The following DENND2C variants were observed in gnomAD, a reference collection of about 807,000 sequenced individuals.
DENND2C encodes DENN domain containing 2C, also known as DENN domain-containing protein 2C.
A neutral mutation model predicts 112.4 loss-of-function variants in DENND2C; 72 were observed. The observed-to-expected ratio is 0.64, with a 90% CI of 0.53 to 0.78. DENND2C has a LOEUF of 0.78. Ranked by LOEUF, DENND2C falls within the 30% of genes least tolerant of loss-of-function variation. The pLI, the probability that DENND2C is intolerant of heterozygous loss-of-function variation, is 0.00. For synonymous variants in DENND2C, 329 were observed against 381.6 expected, an observed-to-expected ratio of 0.86 and a Z score of 1.61; for missense variants, 992 against 1,113.8, an observed-to-expected ratio of 0.89 and a Z score of 1.56.
At chr1:114,653,340 C>T (rs1428245288) in intron 2 of DENND2C, among the ~76,000 whole-genome samples, 3 of 152,062 alleles carry the variant, frequency 2.0e-5, no homozygotes, top group African/African-American at 7.2e-5. Context: ...AACTCCTTAA[C>T]TCAAGCAATC....
chr1:114,655,152 G>T (rs1385136770), intron 1 of DENND2C, among the ~76,000 whole-genome samples: 1 of 152,120 alleles, frequency 6.6e-6, no homozygotes, highest in Admixed American at 6.6e-5. Context: ...CCACAAGCAG[G>T]TATTATTATC....
Position 114,608,789 on chromosome 1 carries a change from A to G in DENND2C, c.1454T>C (p.Leu485Ser). ...YQTLERDLIE[L>S]QEQQLFELFV... ...AAGTTCAAACAGCTGCTGCTCCTGTAATTCAATAAGATCCCGCTCCAAGGT... is the reference window on the plus strand; with the variant it reads ...AAGTTCAAACAGCTGCTGCTCCTGTGATTCAATAAGATCCCGCTCCAAGGT... The change falls in exon 10 of 21, where the codon TTA (leucine) becomes TCA (serine). Residue 485 changes from leucine (L) to serine (S), a missense_variant. Coordinates refer to ENST00000393274, the MANE Select transcript of DENND2C (RefSeq NM_001256404.2). The G allele has an allele frequency of 6.2e-7, 1 of 1,614,218 alleles. No individual in the cohort carries two copies. Among genetic ancestry groups the G allele is most frequent in the Admixed American group, 1.7e-5 (1 of 60,016 alleles).
intron 8 of DENND2C, among the ~76,000 whole-genome samples, chr1:114,612,636 C>T (rs1655854752): frequency 6.6e-6 from 1 of 151,884 alleles, no homozygotes; most frequent in African/African-American, 2.4e-5. Flanking sequence ...TCTCCTGCCT[C>T]AGCCTCCTGA....
intron 11 of DENND2C, 129 bp from the exon 12 acceptor site, chr1:114,602,323 C>T: frequency 1.2e-6 from 1 of 824,486 alleles, no homozygotes; most frequent in Admixed American, 2.9e-5. Flanking sequence ...CAAACAACCA[C>T]TTACGGCATT....
chr1:114,601,454 ATATT>A, intron 13 of DENND2C, 50 bp downstream of exon 13: 1 of 1,549,660 alleles, frequency 6.5e-7, no homozygotes, highest in South Asian at 1.2e-5. Context: ...ATGCCACTTA[ATATT>A]AAGAGCTCAA....
At chr1:114,600,794 A>G (rs1394264779) in intron 14 of DENND2C, 26 bp downstream of exon 14, 3 of 1,604,456 alleles carry the variant, frequency 1.9e-6, no homozygotes, top group Non-Finnish European at 2.6e-6. Flanking sequence ...AGTGCTATCA[A>G]ATCTTTTCAA....
chr1:114,635,962 C>T (rs568178860), intron 3 of DENND2C, among the ~76,000 whole-genome samples: 9 of 151,826 alleles, frequency 5.9e-5, no homozygotes, highest in African/African-American at 7.2e-5. Flanking sequence ...GCCAAGATCA[C>T]GCCTCTGCAC....
Position 114,654,740 on chromosome 1 carries a change from C to T in DENND2C, c.-552G>A, listed in dbSNP as rs1420269597. 1.3e-5 allele frequency: 2 copies of T among 149,906 alleles called. No homozygotes were observed. Among genetic ancestry groups the T allele is most frequent in the African/African-American group, 2.5e-5 (1 of 40,514 alleles). The allele number at this position is 149,906 out of a possible 1,614,324, so 9.3% of individuals were successfully genotyped here. ...GAAATAGCAAGTGGTTTAAGCAATA[C>T]CGATGTTTGTTTCTCTGCCACCTAA... On this transcript the variant is annotated 5_prime_UTR_variant, in exon 2 of 21. Transcript: ENST00000393274.
intron 8 of DENND2C, among the ~76,000 whole-genome samples, chr1:114,612,708 C>A (rs1311251947): frequency 3.3e-5 from 5 of 152,094 alleles, no homozygotes; most frequent in Non-Finnish European, 7.4e-5. Flanking sequence ...TTAGTAGAGA[C>A]AGGGTTTCAC....
chr1:114,639,653 T>A (rs1043115508), intron 3 of DENND2C, among the ~76,000 whole-genome samples: 1 of 152,066 alleles, frequency 6.6e-6, no homozygotes, highest in Non-Finnish European at 1.5e-5. Flanking sequence ...ATTTGGTTCT[T>A]TTTTTCTTCA....
At chr1:114,607,253 AC>A (rs1655682880) in intron 10 of DENND2C, among the ~76,000 whole-genome samples, 1 of 152,210 alleles carries the variant, frequency 6.6e-6, no homozygotes. Context: ...CATTTACAAA[AC>A]ACAAATTCAA....
chr1:114,634,805 A>C (rs1033256148), intron 3 of DENND2C, among the ~76,000 whole-genome samples: 4 of 152,108 alleles, frequency 2.6e-5, no homozygotes, highest in Admixed American at 6.6e-5. Flanking sequence ...AGGCGAGCAG[A>C]TCATCTGAAG....
chr1:114,607,763 A>G (rs1054394764), intron 10 of DENND2C, among the ~76,000 whole-genome samples: 9 of 152,352 alleles, frequency 5.9e-5, no homozygotes, highest in Admixed American at 2.6e-4. Context: ...ATGGCTACCA[A>G]AAATTAATAC....
intron 4 of DENND2C, among the ~76,000 whole-genome samples, chr1:114,624,757 G>T (rs1265854212): frequency 6.6e-6 from 1 of 151,766 alleles, no homozygotes; most frequent in Admixed American, 6.6e-5. Context: ...ATATAGCTGG[G>T]ACTACAGGTG....
chr1:114,653,160 G>A (rs1052284618), intron 2 of DENND2C, among the ~76,000 whole-genome samples: 1 of 151,880 alleles, frequency 6.6e-6, no homozygotes, highest in Non-Finnish European at 1.5e-5. Flanking sequence ...CCAGGCTGGA[G>A]TGCAGTGGTG....
chr1:114,650,673 C>CAAAAAA (rs58693255), intron 2 of DENND2C, among the ~76,000 whole-genome samples: 11 of 61,598 alleles, frequency 1.8e-4, no homozygotes, highest in Admixed American at 2.3e-4. Context: ...GACTCCGTCT[C>CAAAAAA]AAAAAAAAAA....
intron 1 of DENND2C, among the ~76,000 whole-genome samples, chr1:114,656,775 T>C (rs1490485525): frequency 2.0e-5 from 3 of 151,682 alleles, no homozygotes; most frequent in Non-Finnish European, 4.4e-5. Flanking sequence ...TGCTGGGTTA[T>C]AGAATAGGCA....
intron 1 of DENND2C, among the ~76,000 whole-genome samples, chr1:114,664,628 C>T (rs192598146): frequency 1.3e-3 from 196 of 151,812 alleles, no homozygotes; most frequent in African/African-American, 4.5e-3. Context: ...TACAGACACG[C>T]GCCACCACAT....
intron 3 of DENND2C, among the ~76,000 whole-genome samples, chr1:114,636,577 G>C (rs186298350): frequency 2.6e-5 from 4 of 152,144 alleles, no homozygotes; most frequent in East Asian, 1.9e-4. Context: ...AGGTGGGAAT[G>C]GGGGGAGGAC....
Sources: allele counts gnomAD v4.1 joint callset (sites outside exome capture counted in the v4.1 genomes callset), GRCh38; gene constraint gnomAD v4.1.1; transcripts MANE v1.5; gene names NCBI Gene and HGNC (gene_info 2026-07-23, HGNC 2026-07-21).